MAP4K3: variants seen among roughly 807,000 people sequenced by gnomAD.
The protein encoded by MAP4K3 is mitogen-activated protein kinase kinase kinase kinase 3, also known as MAPK/ERK kinase kinase kinase 3.
In MAP4K3, 94 loss-of-function variants were observed where a neutral mutation model predicts 143.5. The observed-to-expected ratio is 0.65, with a 90% CI of 0.55 to 0.78. The LOEUF is 0.78. MAP4K3 is among the 30% of genes least tolerant of loss of function. The pLI is 0.00. For missense variants in MAP4K3, 1,077 were observed against 1,068.1 expected (o/e 1.01, Z -0.12); for synonymous variants, 416 against 347.2 (o/e 1.20, Z -2.20).
At chr2:39,314,967 T>A (rs1186161753) in intron 13 of MAP4K3, among the ~76,000 whole-genome samples, 1 of 152,192 alleles carries the variant, frequency 6.6e-6, no homozygotes, top group Non-Finnish European at 1.5e-5. Context: ...GAACCTCAGA[T>A]CCCATCCCAG....
chr2:39,285,207 A>G (rs1681717312), intron 21 of MAP4K3, among the ~76,000 whole-genome samples: 1 of 152,224 alleles, frequency 6.6e-6, no homozygotes, highest in African/African-American at 2.4e-5. Context: ...ATTACAGCAT[A>G]AACTGTAAGC....
intron 1 of MAP4K3, among the ~76,000 whole-genome samples, chr2:39,391,950 A>G (rs900626176): frequency 1.3e-5 from 2 of 152,070 alleles, no homozygotes; most frequent in African/African-American, 2.4e-5. Context: ...TGGGAGGCCG[A>G]GGCAGGCAGA....
rs370517300 is a variant in MAP4K3, at chr2:39,346,249, G to A, written c.246-2797C>T. 7.9e-5 allele frequency among the ~76,000 whole-genome samples: 12 copies of A among 152,130 alleles called. No homozygotes were observed. The East Asian group carries it at 2.1e-3, about 27-fold the overall frequency. On this transcript the variant is annotated intron_variant, in intron 3 of 33. Transcript: ENST00000263881. The stretch of plus-strand genomic sequence containing the variant: ...TCTATTAAGTTAGCTGAAAGCTATC[G>A]TTAACTTCTCAGCAACTACATTAAA...
At chr2:39,274,706 T>A (rs116221254) in intron 24 of MAP4K3, among the ~76,000 whole-genome samples, 1,581 of 152,296 alleles carry the variant, frequency 0.01, 12 homozygotes, top group Middle Eastern at 0.017. Context: ...GATTGTGTGA[T>A]CTTGGGTAAT....
chr2:39,407,539 C>A (rs538725268), intron 1 of MAP4K3, among the ~76,000 whole-genome samples: 21 of 152,224 alleles, frequency 1.4e-4, no homozygotes, highest in Middle Eastern at 3.4e-3. Flanking sequence ...TCTGCCTAAA[C>A]AGGTTTGTTT....
At chr2:39,359,401 C>G (rs1441982930) in intron 2 of MAP4K3, among the ~76,000 whole-genome samples, 1 of 152,192 alleles carries the variant, frequency 6.6e-6, no homozygotes, top group Non-Finnish European at 1.5e-5. Context: ...TTGCAGGGTA[C>G]AGCTCCCCTC....
intron 1 of MAP4K3, among the ~76,000 whole-genome samples, chr2:39,415,907 C>T (rs190525939): frequency 7.2e-5 from 9 of 125,132 alleles, no homozygotes; most frequent in Admixed American, 3.7e-4. Flanking sequence ...GAGTCGAGAT[C>T]GCACCATTGC....
intron 1 of MAP4K3, among the ~76,000 whole-genome samples, chr2:39,426,181 C>T (rs533397168): frequency 3.3e-5 from 5 of 152,126 alleles, no homozygotes; most frequent in Non-Finnish European, 7.4e-5. Flanking sequence ...TATAAATTTC[C>T]GTCAAAAAAT....
rs77068870 is a variant in MAP4K3 at position 39,383,873 on chromosome 2, A to G, written c.97-5750T>C. Among the ~76,000 whole-genome samples the G allele has an allele frequency of 6.1e-3, 923 of 152,178 alleles. 10 individuals carry two copies. Among genetic ancestry groups the G allele is most frequent in the African/African-American group, 0.021 (886 of 41,510 alleles). On this transcript the variant is annotated intron_variant, in intron 1 of 33. Coordinates refer to ENST00000263881, the MANE Select transcript of MAP4K3 (RefSeq NM_003618.4). The stretch of plus-strand genomic sequence containing the variant: ...TAATTCCAGCACTTTGCGAGGCAAA[A>G]GTGGGCAGATCGCTTGAGCCCAGGA...
intron 1 of MAP4K3, among the ~76,000 whole-genome samples, chr2:39,379,509 C>T (rs1181550273): frequency 3.3e-5 from 5 of 152,054 alleles, no homozygotes; most frequent in African/African-American, 1.2e-4. Context: ...AGGAAGAAAA[C>T]ATATATAAAT....
At position 39,337,898 on chromosome 2, in the gene MAP4K3, C is replaced by A. The variant is rs111516416; in HGVS notation, c.311-317G>T. Among the ~76,000 whole-genome samples the A allele has an allele frequency of 3.4e-3, 518 of 150,858 alleles. 3 individuals are homozygous for A. Among genetic ancestry groups the A allele is most frequent in the African/African-American group, 0.012 (496 of 41,170 alleles). ...CCTCAGCCTCTTGAGTGGCTGGGGG[C>A]ATAGGTGCATGCCACCACACCTGGC... is the stretch of plus-strand genomic sequence containing the variant. On this transcript the variant is annotated intron_variant, in intron 4 of 33. Coordinates refer to ENST00000263881, the MANE Select transcript of MAP4K3 (RefSeq NM_003618.4).
At chr2:39,417,464 CCCCT>C (rs1489807614) in intron 1 of MAP4K3, among the ~76,000 whole-genome samples, 2 of 152,052 alleles carry the variant, frequency 1.3e-5, no homozygotes, top group East Asian at 1.9e-4. Flanking sequence ...TGTGATCCAC[CCCCT>C]CCGTCTCCCA....
intron 2 of MAP4K3, among the ~76,000 whole-genome samples, chr2:39,369,195 T>TTTTTTGTTTGTTTG (rs1553419599): frequency 1.6e-4 from 14 of 88,998 alleles, no homozygotes; most frequent in African/African-American, 5.6e-4. Context: ...TTGGGCTAGT[T>TTTTTTGTTTGTTTG]TTTTTTTTTG....
At position 39,436,921 on chromosome 2, in the gene MAP4K3, C is replaced by T; in HGVS notation, c.67G>A (p.Gly23Ser). The T allele has an allele frequency of 6.2e-7, 1 of 1,612,556 alleles. No individual in the cohort carries two copies. The highest frequency in any genetic ancestry group is 8.5e-7 in the Non-Finnish European group (1 of 1,179,404). Reference sequence around the variant, plus strand: ...TAGACGTCGCCGTAGGTGCCGCTGCCGATGCGCTGAATCAGCTCGAAGTCC... The same window carrying T: ...TAGACGTCGCCGTAGGTGCCGCTGCTGATGCGCTGAATCAGCTCGAAGTCC... ...QEDFELIQRI[G>S]SGTYGDVYKA... is the part of the protein sequence containing the mutation. The change falls in exon 1 of 34, where the codon GGC (glycine) becomes AGC (serine). Residue 23 changes from glycine (G) to serine (S), a missense_variant. Physicochemically the swap from Gly to Ser is moderately conservative, Grantham distance 56. Transcript: ENST00000263881.
chr2:39,282,909 A>G (rs751786448), intron 21 of MAP4K3, among the ~76,000 whole-genome samples: 11 of 152,354 alleles, frequency 7.2e-5, no homozygotes, highest in Non-Finnish European at 1.3e-4. Flanking sequence ...GTTATACACT[A>G]TCTGCAGGAT....
intron 2 of MAP4K3, among the ~76,000 whole-genome samples, chr2:39,374,712 A>T (rs1234476406): frequency 6.6e-6 from 1 of 152,188 alleles, no homozygotes; most frequent in Non-Finnish European, 1.5e-5. Flanking sequence ...AAAATTTTTT[A>T]AATTTTTTAA....
intron 1 of MAP4K3, among the ~76,000 whole-genome samples, chr2:39,397,015 G>A (rs923457615): frequency 6.6e-6 from 1 of 152,118 alleles, no homozygotes; most frequent in Non-Finnish European, 1.5e-5. Flanking sequence ...CCAATAAGTG[G>A]CTGGATTTCA....
intron 2 of MAP4K3, among the ~76,000 whole-genome samples, chr2:39,365,693 C>A (rs1235165224): frequency 3.3e-5 from 5 of 151,922 alleles, no homozygotes; most frequent in African/African-American, 1.2e-4. Context: ...ATCCACCCGC[C>A]TCGGCCTCCC....
intron 28 of MAP4K3, among the ~76,000 whole-genome samples, chr2:39,262,557 C>T (rs879640160): frequency 3.3e-5 from 5 of 151,976 alleles, no homozygotes; most frequent in Admixed American, 6.6e-5. Flanking sequence ...ACAGAAACAA[C>T]GCTTTAAAAA....
Sources: gnomAD v4.1 joint callset for allele counts (sites outside exome capture counted in the v4.1 genomes callset) on GRCh38, gnomAD v4.1.1 for gene constraint, MANE v1.5 for transcripts, NCBI Gene and HGNC (gene_info 2026-07-23, HGNC 2026-07-21) for gene names.